NUDC: variants seen among roughly 807,000 people sequenced by gnomAD.
The protein encoded by NUDC is nuclear distribution C, dynein complex regulator.
Under a neutral mutation model 45.0 loss-of-function variants are expected in NUDC, and 14 were observed. That is an observed-to-expected ratio of 0.31 (90% CI 0.21 to 0.49). NUDC has a LOEUF of 0.49. Ranked by LOEUF, NUDC falls within the 20% of genes least tolerant of loss-of-function variation. The pLI is 0.99. For missense variants in NUDC, 323 were observed against 426.2 expected (o/e 0.76, Z 2.13); for synonymous variants, 153 against 156.7 (o/e 0.98, Z 0.17).
At chr1:26,918,598 G>T (rs2124083676), upstream of NUDC, among the ~76,000 whole-genome samples, 2 of 141,412 alleles carry the variant, frequency 1.4e-5, no homozygotes, top group East Asian at 2.1e-4. Context: ...TTTTGAGATG[G>T]AGTTTTGCTC....
At position 26,912,197 on chromosome 1, in the gene NUDC, T is replaced by C. The variant is rs1403830828; in HGVS notation, c.93+962T>C. 4 of 1,392,128 alleles carry C rather than the reference T, an allele frequency of 2.9e-6. No individual in the cohort carries two copies. In the Admixed American group the frequency reaches 6.5e-5, roughly 23 times the overall value. The allele number at this position is 1,392,128 out of a possible 1,614,324, so 86.2% of individuals were successfully genotyped here. ...AGAGACACCCCTCTGCCTCCTTTGC[T>C]CGGCCTTTGAGGTCCCACTACTACC... is the stretch of plus-strand genomic sequence containing the variant. On this transcript the variant is annotated intron_variant, in intron 3 of 6. Transcript: ENST00000435827.
At chr1:26,943,857 C>G (rs1194139194) in intron 6 of NUDC, among the ~76,000 whole-genome samples, 1 of 152,154 alleles carries the variant, frequency 6.6e-6, no homozygotes, top group Non-Finnish European at 1.5e-5. Flanking sequence ...AACAGCCTGT[C>G]CGACTGGCAC....
upstream of NUDC, among the ~76,000 whole-genome samples, chr1:26,918,992 G>A (rs2082075958): frequency 6.6e-6 from 1 of 151,728 alleles, no homozygotes; most frequent in Non-Finnish European, 1.5e-5. Flanking sequence ...TGGCCGGGCT[G>A]CTCTTGAACT....
chr1:26,918,088 G>T (rs1328509330), upstream of NUDC, among the ~76,000 whole-genome samples: 1 of 151,582 alleles, frequency 6.6e-6, no homozygotes, highest in African/African-American at 2.4e-5. Flanking sequence ...ATATCATGGG[G>T]TTCATTCTAG....
At chr1:26,903,872 G>A (rs1164750884) in intron 2 of NUDC, among the ~76,000 whole-genome samples, 5 of 151,486 alleles carry the variant, frequency 3.3e-5, no homozygotes, top group East Asian at 3.9e-4. Context: ...TTAGCTGGGC[G>A]TGGTGGCGGG....
At chr1:26,945,763 CACTGCGCTGCCT>C in intron 8 of NUDC, 77 bp downstream of exon 8, 1 of 1,013,072 alleles carries the variant, frequency 9.9e-7, no homozygotes. Context: ...GTGAGTGGAT[CACTGCGCTGCCT>C]CAGGAGCTGC....
Position 26,942,898 on chromosome 1 carries a change from C to T in NUDC, c.574C>T (p.Arg192Trp), listed in dbSNP as rs1210293366. 11 of 1,613,786 alleles carry T rather than the reference C, an allele frequency of 6.8e-6. No homozygotes were observed. Among genetic ancestry groups the T allele is most frequent in the Admixed American group, 5.0e-5 (3 of 60,006 alleles). ...GGCGGTCCCTTTCTGTGTGAACTTC[C>T]GGCTGAAAGGGAAGGACATGGTGGT... ...DLAVPFCVNF[R>W]LKGKDMVVDI... The change falls in exon 6 of 9, where the codon CGG becomes TGG. Residue 192 changes from arginine (R) to tryptophan (W), a missense_variant. Arg to Trp is a moderately radical substitution (Grantham distance 101, BLOSUM62 -3). Around this residue, in one of 3 missense-constraint regions of NUDC, gnomAD observed 245 missense variants for 278.8 expected, o/e 0.88. Transcript: ENST00000321265.
Position 26,942,686 on chromosome 1 carries a change from T to A in NUDC, c.456T>A (p.Asp152Glu). ...ATACTGAGGAAGATGAGGAGGAAGA[T>A]GAGAAGGACAAAGGAAAACTGAAGC... ...KQDTEEDEEE[D>E]EKDKGKLKPN... The change falls in exon 5 of 9, where the codon GAT (aspartate) becomes GAA (glutamate). Residue 152 changes from aspartate (D) to glutamate (E), a missense_variant. This residue lies in a region of NUDC where 245 missense variants were observed against 278.8 expected (regional missense o/e 0.88). Coordinates refer to ENST00000321265, the MANE Select transcript of NUDC (RefSeq NM_006600.4). 6.2e-7 allele frequency: 1 copy of A among 1,614,098 alleles called. No individual in the cohort carries two copies. Among genetic ancestry groups the A allele is most frequent in the Non-Finnish European group, 8.5e-7 (1 of 1,180,016 alleles).
At chr1:26,919,957 G>T (rs2082080535), upstream of NUDC, among the ~76,000 whole-genome samples, 3 of 152,174 alleles carry the variant, frequency 2.0e-5, no homozygotes, top group South Asian at 6.2e-4. Context: ...CTGCCCTCAA[G>T]AGCCCTCAGT....
intron 3 of NUDC, among the ~76,000 whole-genome samples, chr1:26,916,609 T>C (rs940511278): frequency 1.3e-5 from 2 of 152,054 alleles, no homozygotes; most frequent in Non-Finnish European, 2.9e-5. Context: ...TGATTTAATC[T>C]TTTAGTGGAA....
chr1:26,921,714 C>G (rs1052010291), upstream of NUDC: 8 of 961,482 alleles, frequency 8.3e-6, no homozygotes, highest in African/African-American at 8.1e-5. Flanking sequence ...GCCTGGGCAG[C>G]CGCGCGCGTG....
chr1:26,942,203 A>T (rs1315150106), intron 4 of NUDC, among the ~76,000 whole-genome samples: 3 of 152,062 alleles, frequency 2.0e-5, no homozygotes, highest in Non-Finnish European at 4.4e-5. Context: ...GAGGCAGAGA[A>T]TTGCTTGAAC....
At chr1:26,910,955 G>A (rs966078966) in intron 2 of NUDC, among the ~76,000 whole-genome samples, 1 of 152,068 alleles carries the variant, frequency 6.6e-6, no homozygotes, top group African/African-American at 2.4e-5. Context: ...TGGTGGCTGT[G>A]AGCCAAGTGT....
intron 2 of NUDC, among the ~76,000 whole-genome samples, chr1:26,937,303 C>G (rs1168137830): frequency 6.6e-6 from 1 of 152,152 alleles, no homozygotes; most frequent in African/African-American, 2.4e-5. Context: ...CTCACTCTCA[C>G]GCAGGTTGTA....
Position 26,946,374 on chromosome 1 carries a change from A to C in NUDC, c.*193A>C, listed in dbSNP as rs2082318008. The C allele has an allele frequency of 1.6e-6, 1 of 631,480 alleles. No individual in the cohort carries two copies. The highest frequency in any genetic ancestry group is 2.9e-6 in the Non-Finnish European group (1 of 350,260). The allele number at this position is 631,480 out of a possible 1,614,324, so 39.1% of individuals were successfully genotyped here. Reference sequence around the variant, plus strand: ...TCCTCCCCAGTTGGCCTACTGTTACACATTAAAACGATTTGCCCAGCTCCT... The same window carrying C: ...TCCTCCCCAGTTGGCCTACTGTTACCCATTAAAACGATTTGCCCAGCTCCT... On this transcript the variant is annotated 3_prime_UTR_variant, in exon 9 of 9. Transcript: ENST00000321265.
chr1:26,941,139 A>G (rs897388814), intron 2 of NUDC, among the ~76,000 whole-genome samples: 1 of 128,400 alleles, frequency 7.8e-6, no homozygotes, highest in Non-Finnish European at 1.6e-5. Flanking sequence ...GGGTTTCACC[A>G]TGTTGGCCAG....
Position 26,942,810 on chromosome 1 carries a change from G to T in NUDC, c.546+34G>T, listed in dbSNP as rs201546227. The T allele has an allele frequency of 2.3e-4, 375 of 1,614,108 alleles. 1 individual carries two copies. The African/African-American group carries it at 4.5e-3, about 19-fold the overall frequency. ...CAGGGACCAGAGGTAAAGCTTAGGG[G>T]GCCAGCCTGGGGTACCAGCAGCACT... On this transcript the variant is annotated intron_variant, in intron 5 of 8. Transcript: ENST00000321265.
At chr1:26,913,666 C>T in intron 3 of NUDC, 11 of 1,613,662 alleles carry the variant, frequency 6.8e-6, no homozygotes, top group Non-Finnish European at 9.3e-6. Context: ...GAGGGGGCCC[C>T]AGCAACCCTG....
intron 2 of NUDC, among the ~76,000 whole-genome samples, chr1:26,930,737 C>T (rs911213952): frequency 3.3e-5 from 5 of 149,728 alleles, no homozygotes; most frequent in African/African-American, 1.2e-4. Flanking sequence ...AAATAGTGGG[C>T]TGGGCACGGT....
Sources: allele counts gnomAD v4.1 joint callset (sites outside exome capture counted in the v4.1 genomes callset), GRCh38; gene constraint gnomAD v4.1.1; regional missense constraint gnomAD v4.1.1; transcripts MANE v1.5; gene names NCBI Gene and HGNC (gene_info 2026-07-23, HGNC 2026-07-21).